The following WASHC2A variants were observed in gnomAD, a reference collection of about 807,000 sequenced individuals.
The protein encoded by WASHC2A is WASH complex subunit 2A.
A neutral mutation model predicts 140.3 loss-of-function variants in WASHC2A; 82 were observed. That is an observed-to-expected ratio of 0.58 (90% CI 0.49 to 0.70). The LOEUF is 0.70. WASHC2A is among the 30% of genes least tolerant of loss of function. The pLI is 0.00. For synonymous variants in WASHC2A, 340 were observed against 560.8 expected, an observed-to-expected ratio of 0.61 and a Z score of 5.56; for missense variants, 985 against 1,521.8, an observed-to-expected ratio of 0.65 and a Z score of 5.87.
chr10:50,097,783 A>C lies in WASHC2A; in HGVS notation c.1529A>C (p.Lys510Thr). The C allele has an allele frequency of 6.2e-7, 1 of 1,605,156 alleles. No homozygotes were observed. The highest frequency in any genetic ancestry group is 8.5e-7 in the Non-Finnish European group (1 of 1,178,142). ...ACTGTGAGTCAGACAGATGAAAATA[A>C]AGCAAGAGCAGAAAAAAAGGTGAGC... ...EATVSQTDEN[K>T]ARAEKKVTLS... Residue 510 changes from lysine (K) to threonine (T), a missense_variant, in exon 16 of 31, where the codon AAA becomes ACA. Physicochemically the swap from Lys to Thr is moderately conservative, Grantham distance 78 (BLOSUM62 -1). Transcript: ENST00000282633.
chr10:50,103,491 C>T (rs1479560428), intron 17 of WASHC2A, among the ~76,000 whole-genome samples: 2 of 151,990 alleles, frequency 1.3e-5, no homozygotes, highest in African/African-American at 4.8e-5. Flanking sequence ...ATCCGGGAGG[C>T]GGAGCTTTCA....
chr10:50,068,524 G>A (rs1837504269), intron 2 of WASHC2A, among the ~76,000 whole-genome samples: 1 of 151,632 alleles, frequency 6.6e-6, no homozygotes, highest in African/African-American at 2.4e-5. Flanking sequence ...GCACTAGGGA[G>A]GCGATTCCTG....
intron 17 of WASHC2A, among the ~76,000 whole-genome samples, chr10:50,102,483 T>G (rs1841295783): frequency 6.6e-6 from 1 of 152,132 alleles, no homozygotes; most frequent in Non-Finnish European, 1.5e-5. Flanking sequence ...GAACCCTTTC[T>G]CTTGCCATTG....
rs1286146840 is a variant in WASHC2A, at chr10:50,095,738, C to T, written c.1380C>T (p.Asp460=). The T allele has an allele frequency of 7.4e-6, 12 of 1,611,112 alleles. No individual in the cohort carries two copies. The highest frequency in any genetic ancestry group is 5.0e-5 in the Admixed American group (3 of 59,866). The change falls in exon 15 of 31, where the codon GAC becomes GAT. Residue 460 remains aspartate (D), a synonymous_variant. Transcript: ENST00000282633. ...LFDDDDGDDD[D]DFFSAPHSKP... ...ATGATGATGATGGTGATGATGATGA[C>T]GACTTTTTCTCGGCACCCCACAGCA...
intron 28 of WASHC2A, among the ~76,000 whole-genome samples, 182 bp from the exon 29 acceptor site, chr10:50,129,237 G>A (rs11511007): frequency 0.025 from 3,750 of 152,228 alleles, 67 homozygotes; most frequent in Non-Finnish European, 0.037. Flanking sequence ...GGAGTACTAG[G>A]AGCTATTAAA....
chr10:50,109,560 A>G (rs1842088134), intron 19 of WASHC2A, among the ~76,000 whole-genome samples: 1 of 152,120 alleles, frequency 6.6e-6, no homozygotes, highest in Non-Finnish European at 1.5e-5. Flanking sequence ...GGGAAGAGAC[A>G]TCGTGGCAGG....
Position 50,106,481 on chromosome 10 carries a change from T to C in WASHC2A, c.1869+16T>C, listed in dbSNP as rs1554888631. 1 of 1,594,426 alleles carries C rather than the reference T, an allele frequency of 6.3e-7. No individual in the cohort carries two copies. The highest frequency in any genetic ancestry group is 1.1e-5 in the South Asian group (1 of 89,942). On this transcript the variant is annotated intron_variant, in intron 19 of 30. Transcript: ENST00000282633. Reference sequence around the variant, plus strand: ...TGATGAGGAGGTGAGCTGAGGTTTCTGCTAAAGAAGAGGGGATTATTTCAT... The same window carrying C: ...TGATGAGGAGGTGAGCTGAGGTTTCCGCTAAAGAAGAGGGGATTATTTCAT...
At chr10:50,090,523 T>C (rs1161888793) in intron 8 of WASHC2A, among the ~76,000 whole-genome samples, 1 of 136,388 alleles carries the variant, frequency 7.3e-6, no homozygotes, top group Non-Finnish European at 1.6e-5. Context: ...AAAATATATA[T>C]ATATATATTT....
chr10:50,090,515 AAT>A lies in WASHC2A; in HGVS notation c.733-246_733-245del, dbSNP rs1203140565. ...TAGACTCCATCTCAAAAAAAAAAAAAATATATATATATATATTTATATTTATA... is the reference window on the plus strand; with the variant it reads ...TAGACTCCATCTCAAAAAAAAAAAAAATATATATATATATTTATATTTATA... On this transcript the variant is annotated intron_variant, in intron 8 of 30. Coordinates refer to ENST00000282633, the MANE Select transcript of WASHC2A (RefSeq NM_001005751.3). 4.0e-4 allele frequency among the ~76,000 whole-genome samples: 44 copies of A among 108,736 alleles called. 1 individual carries two copies. The highest frequency in any genetic ancestry group is 7.2e-4 in the East Asian group (3 of 4,142). 71.3% of individuals were successfully genotyped at this position (108,736 alleles called of 152,430 possible). A position where few individuals can be genotyped will look rare whatever the true frequency, so the allele number is the denominator to read the frequency against.
intron 3 of WASHC2A, among the ~76,000 whole-genome samples, chr10:50,073,474 A>G (rs1838039585): frequency 6.7e-6 from 1 of 149,224 alleles, no homozygotes; most frequent in Admixed American, 6.8e-5. Context: ...CTGTTGATTT[A>G]TAAAAGCTGA....
chr10:50,125,561 A>C, intron 25 of WASHC2A, 112 bp downstream of exon 25: 1 of 1,605,416 alleles, frequency 6.2e-7, no homozygotes, highest in Non-Finnish European at 8.5e-7. Context: ...GCTGCTTCCT[A>C]CTAAATGAAT....
At chr10:50,070,451 G>A (rs1410737230) in intron 3 of WASHC2A, among the ~76,000 whole-genome samples, 5 of 151,796 alleles carry the variant, frequency 3.3e-5, no homozygotes, top group Admixed American at 6.6e-5. Context: ...TGTGGAAAAA[G>A]GATTATTAAA....
chr10:50,124,324 G>A (rs1441341479), intron 23 of WASHC2A, among the ~76,000 whole-genome samples: 1 of 151,506 alleles, frequency 6.6e-6, no homozygotes, highest in Non-Finnish European at 1.5e-5. Context: ...GGCTGGTCTC[G>A]AACTCCTGGC....
chr10:50,109,526 C>G (rs1371827099), intron 19 of WASHC2A, among the ~76,000 whole-genome samples: 1 of 150,756 alleles, frequency 6.6e-6, no homozygotes, highest in Non-Finnish European at 1.5e-5. Flanking sequence ...AGTCGCTTGT[C>G]GTAATACAGT....
At chr10:50,075,745 G>A (rs1449460719) in intron 3 of WASHC2A, among the ~76,000 whole-genome samples, 4 of 151,682 alleles carry the variant, frequency 2.6e-5, no homozygotes, top group Admixed American at 6.6e-5. Flanking sequence ...TCTGCCCTCT[G>A]CTGTTTGTTT....
At chr10:50,090,559 T>A (rs1186988733) in intron 8 of WASHC2A, among the ~76,000 whole-genome samples, 1 of 127,384 alleles carries the variant, frequency 7.9e-6, no homozygotes, top group African/African-American at 2.6e-5. Context: ...TATTTATATT[T>A]TATATATATT....
chr10:50,070,382 A>AG (rs1837691874), intron 3 of WASHC2A, among the ~76,000 whole-genome samples: 1 of 152,166 alleles, frequency 6.6e-6, no homozygotes, highest in Non-Finnish European at 1.5e-5. Context: ...GAGGAAGCTT[A>AG]GGTAACAGAC....
chr10:50,129,960 CA>C lies in WASHC2A; in HGVS notation c.3630del (p.Asp1211IlefsTer19). 6.2e-7 allele frequency: 1 copy of C among 1,611,976 alleles called. No homozygotes were observed. The highest frequency in any genetic ancestry group is 8.5e-7 in the Non-Finnish European group (1 of 1,179,842). On this transcript the variant is annotated frameshift_variant, in exon 29 of 31. Coordinates refer to ENST00000282633, the MANE Select transcript of WASHC2A (RefSeq NM_001005751.3). LOFTEE classifies it high-confidence loss of function. Reference sequence around the variant, plus strand: ...CTGGAAGATGAGGATGACCTCTTTACAGATCAGAAAGTCAAGAAGAATGAGA... The same window carrying C: ...CTGGAAGATGAGGATGACCTCTTTACGATCAGAAAGTCAAGAAGAATGAGA... ...PLLEDEDDLF[T>X]DQKVKKNETK...
At chr10:50,076,464 C>T (rs1411403107) in intron 3 of WASHC2A, among the ~76,000 whole-genome samples, 1 of 152,064 alleles carries the variant, frequency 6.6e-6, no homozygotes, top group Non-Finnish European at 1.5e-5. Context: ...AGGATATGAT[C>T]GTTTAAAAAC....
Sources: gnomAD v4.1 joint callset for allele counts (sites outside exome capture counted in the v4.1 genomes callset) on GRCh38, gnomAD v4.1.1 for gene constraint, MANE v1.5 for transcripts, NCBI Gene and HGNC (gene_info 2026-07-23, HGNC 2026-07-21) for gene names.